Variants in FMO4 observed in about 807,000 individuals in gnomAD.
FMO4 encodes dimethylaniline monooxygenase [N-oxide-forming] 4.
FMO4 carries 38 observed loss-of-function variants against 43.3 expected under a neutral mutation model. That is an observed-to-expected ratio of 0.88 (90% CI 0.68 to 1.15). The LOEUF is 1.15. FMO4 is among the 50% of genes most tolerant of loss of function. The probability of loss-of-function intolerance (pLI) is 0.00; values close to 1 mark genes in which losing one functional copy is unlikely to be tolerated. For synonymous variants in FMO4, 224 were observed against 232.2 expected (o/e 0.96, Z 0.32); for missense variants, 631 against 663.3 (o/e 0.95, Z 0.54).
At chr1:171,328,208 T>C (rs1662744985) in intron 5 of FMO4, among the ~76,000 whole-genome samples, 2 of 151,366 alleles carry the variant, frequency 1.3e-5, no homozygotes, top group African/African-American at 2.4e-5. Context: ...ACCCAGATAA[T>C]TTTTTTGTAT....
chr1:171,337,742 CTG>C (rs1345844949), intron 9 of FMO4, among the ~76,000 whole-genome samples: 1 of 152,170 alleles, frequency 6.6e-6, no homozygotes, highest in Non-Finnish European at 1.5e-5. Context: ...TGCTCTTTCT[CTG>C]TATTTGCTGG....
chr1:171,331,550 G>A (rs1300601055), intron 5 of FMO4, 90 bp from the exon 6 acceptor site: 22 of 1,260,662 alleles, frequency 1.7e-5, no homozygotes, highest in Non-Finnish European at 2.2e-5. Flanking sequence ...ATAGTTGTGG[G>A]ACTTCCCTTT....
rs202193153 is a variant in FMO4 at position 171,332,815 on chromosome 1, A to G, written c.734A>G (p.Gln245Arg). ...VTRRCCSFIA[Q>R]VLPSRFLNWI... ...AGAAGATGCTGTAGTTTTATTGCAC[A>G]AGTTCTGCCTTCACGTTTTCTAAAC... Residue 245 changes from glutamine to arginine, a missense_variant, in exon 7 of 10, where the codon CAA (glutamine) becomes CGA (arginine). Transcript: ENST00000367749. 1.3e-4 allele frequency: 214 copies of G among 1,613,430 alleles called. No homozygotes were observed. The highest frequency in any genetic ancestry group is 1.5e-4 in the Non-Finnish European group (174 of 1,179,542).
At chr1:171,318,852 G>A (rs751295048) in intron 2 of FMO4, among the ~76,000 whole-genome samples, 24 of 152,216 alleles carry the variant, frequency 1.6e-4, no homozygotes, top group Admixed American at 3.3e-4. Flanking sequence ...CTGAGCCCCC[G>A]CAGAACTTGC....
intron 5 of FMO4, among the ~76,000 whole-genome samples, chr1:171,327,047 T>C (rs547941644): frequency 5.9e-5 from 9 of 152,352 alleles, no homozygotes; most frequent in Admixed American, 2.0e-4. Flanking sequence ...TTGCAAGTCA[T>C]TGTGTGAGGC....
chr1:171,334,723 C>T lies in FMO4; in HGVS notation c.1140C>T (p.Gly380=). 1 of 1,599,872 alleles carries T rather than the reference C, an allele frequency of 6.3e-7. No individual in the cohort carries two copies. Among genetic ancestry groups the T allele is most frequent in the East Asian group, 2.2e-5 (1 of 44,818 alleles). ...LIGLKGSILS[G]TELQARWVTR... is the part of the protein sequence containing the mutation. Reference sequence around the variant, plus strand: ...GCCTTAAAGGATCCATCTTATCAGGCACAGAGCTCCAAGCACGATGGGTCA... The same window carrying T: ...GCCTTAAAGGATCCATCTTATCAGGTACAGAGCTCCAAGCACGATGGGTCA... Residue 380 remains glycine (G), a synonymous_variant, in exon 8 of 10, where the codon GGC becomes GGT. Transcript: ENST00000367749.
chr1:171,338,237 T>C (rs980442280), intron 9 of FMO4, among the ~76,000 whole-genome samples: 4 of 152,130 alleles, frequency 2.6e-5, no homozygotes, highest in African/African-American at 7.2e-5. Context: ...TCACTGCCCC[T>C]ACTGCTACCA....
At chr1:171,324,324 A>G in intron 5 of FMO4, 24 bp downstream of exon 5, 3 of 1,576,686 alleles carry the variant, frequency 1.9e-6, no homozygotes, top group South Asian at 2.3e-5. Context: ...ACCTGAGACC[A>G]TGCCTATGCT....
At chr1:171,324,115 G>A in intron 4 of FMO4, 23 bp from the exon 5 acceptor site, 1 of 1,595,368 alleles carries the variant, frequency 6.3e-7, no homozygotes, top group South Asian at 1.1e-5. Context: ...AGTGAGAAGT[G>A]AGTGTTTGTC....
intron 3 of FMO4, among the ~76,000 whole-genome samples, chr1:171,320,366 C>T (rs1414738909): frequency 6.6e-6 from 1 of 152,162 alleles, no homozygotes; most frequent in Non-Finnish European, 1.5e-5. Flanking sequence ...CCACAACCCC[C>T]AGACATTGTT....
At chr1:171,334,897 T>G (rs1663058673) in intron 8 of FMO4, 134 bp downstream of exon 8, 3 of 572,386 alleles carry the variant, frequency 5.2e-6, no homozygotes, top group Non-Finnish European at 9.3e-6. Context: ...TGTATATGTT[T>G]GTAATATGAG....
chr1:171,337,401 CTG>C lies in FMO4; in HGVS notation c.1227_1228del (p.Glu410LysfsTer6). Reference sequence around the variant, plus strand: ...TCCCAAAAATTGATGATGGAGGCTACTGAAAAGGAACAGCTCATTAAAAGGTA... The same window carrying C: ...TCCCAAAAATTGATGATGGAGGCTACAAAAGGAACAGCTCATTAAAAGGTA... On this transcript the variant is annotated frameshift_variant, in exon 9 of 10. Transcript: ENST00000367749. LOFTEE classifies it low-confidence loss of function (END_TRUNC). 1 of 1,612,386 alleles carries C rather than the reference CTG, an allele frequency of 6.2e-7. No individual in the cohort carries two copies. The highest frequency in any genetic ancestry group is 1.1e-5 in the South Asian group (1 of 91,034).
chr1:171,332,764 G>A lies in FMO4; in HGVS notation c.683G>A (p.Gly228Asp). ...TWVLGRSSDWGYPYNMMVTRR... is the reference protein window; with the variant it reads ...TWVLGRSSDWDYPYNMMVTRR... ...GTTCTTGGGCGCTCTTCAGATTGGGGCTATCCTTATAATATGATGGTTACA... is the reference window on the plus strand; with the variant it reads ...GTTCTTGGGCGCTCTTCAGATTGGGACTATCCTTATAATATGATGGTTACA... The change falls in exon 7 of 10, where the codon GGC (glycine) becomes GAC (aspartate). Residue 228 changes from glycine to aspartate, a missense_variant. Physicochemically the swap from Gly to Asp is moderately conservative, Grantham distance 94. Transcript: ENST00000367749. 1 of 1,611,516 alleles carries A rather than the reference G, an allele frequency of 6.2e-7. No homozygotes were observed. Among genetic ancestry groups the A allele is most frequent in the Non-Finnish European group, 8.5e-7 (1 of 1,177,804 alleles).
intron 5 of FMO4, among the ~76,000 whole-genome samples, chr1:171,327,333 G>A (rs1349109243): frequency 6.6e-6 from 1 of 152,194 alleles, no homozygotes. Context: ...TTCTGGGAGG[G>A]AGTATAGTAT....
intron 7 of FMO4, among the ~76,000 whole-genome samples, chr1:171,334,026 G>C (rs1035144815): frequency 2.0e-5 from 3 of 152,090 alleles, no homozygotes; most frequent in Non-Finnish European, 4.4e-5. Context: ...AGAGTTCCTT[G>C]CTAATTTCCT....
At chr1:171,327,017 A>C (rs1662696306) in intron 5 of FMO4, among the ~76,000 whole-genome samples, 1 of 152,220 alleles carries the variant, frequency 6.6e-6, no homozygotes, top group African/African-American at 2.4e-5. Context: ...TTCAATATGT[A>C]ATTACGGAGA....
chr1:171,338,087 GC>G (rs563560034), intron 9 of FMO4, among the ~76,000 whole-genome samples: 11 of 152,026 alleles, frequency 7.2e-5, no homozygotes, highest in Non-Finnish European at 1.5e-4. Context: ...TCAGTTCATA[GC>G]TACTCATTCC....
At chr1:171,332,680 T>A in intron 6 of FMO4, 29 bp from the exon 7 acceptor site, 3 of 1,571,832 alleles carry the variant, frequency 1.9e-6, no homozygotes, top group Non-Finnish European at 2.6e-6. Flanking sequence ...AACATTTATT[T>A]ATCCTTCTTG....
rs541575092 is a variant in FMO4 at position 171,328,255 on chromosome 1, C to T, written c.485-3385C>T. 3.5e-4 allele frequency among the ~76,000 whole-genome samples: 53 copies of T among 152,198 alleles called. 3 individuals carry two copies. The South Asian group carries it at 8.7e-3, about 25-fold the overall frequency. On this transcript the variant is annotated intron_variant, in intron 5 of 9. Transcript: ENST00000367749. ...ATGAGGTTTCGCCATGTTGGCCAGG[C>T]TGGTCTCGAACTCCTGACCTCAGGC...
Sources: allele counts gnomAD v4.1 joint callset (sites outside exome capture counted in the v4.1 genomes callset), GRCh38; gene constraint gnomAD v4.1.1; transcripts MANE v1.5; gene names NCBI Gene and HGNC (gene_info 2026-07-23, HGNC 2026-07-21).